The following TMC4 variants were observed in gnomAD, a reference collection of about 807,000 sequenced individuals.
TMC4 encodes the protein voltage-gated chloride channel TMC4.
TMC4 carries 70 observed loss-of-function variants against 82.0 expected under a neutral mutation model. The observed-to-expected ratio is 0.85, with a 90% confidence interval of 0.70 to 1.04. The LOEUF (loss-of-function observed/expected upper bound fraction) is 1.04, where lower values mean the gene tolerates loss of function less well. TMC4 is among the 50% of genes least tolerant of loss of function. TMC4 has a pLI of 0.00. For synonymous variants in TMC4, 446 were observed against 406.0 expected, an observed-to-expected ratio of 1.10 and a Z score of -1.18; for missense variants, 879 against 899.0, an observed-to-expected ratio of 0.98 and a Z score of 0.28.
rs1198523576 is a variant in TMC4 at position 54,163,717 on chromosome 19, C to G, written c.1277+7G>C. ...ATCATTCCCAGCCATCCCCGTGAGGCTGGAACCTGAGCAGGATAAAAACGA... is the reference window on the plus strand; with the variant it reads ...ATCATTCCCAGCCATCCCCGTGAGGGTGGAACCTGAGCAGGATAAAAACGA... On this transcript the variant is annotated splice_region_variant and intron_variant, in intron 8 of 14. Coordinates refer to ENST00000619895, the MANE Select transcript of TMC4 (RefSeq NM_144686.4). 10 of 1,613,960 alleles carry G rather than the reference C, an allele frequency of 6.2e-6. No individual in the cohort carries two copies. The highest frequency in any genetic ancestry group is 8.5e-6 in the Non-Finnish European group (10 of 1,180,028).
chr19:54,168,833 TTTTC>T lies in TMC4; in HGVS notation c.443-157_443-154del. Among the ~76,000 whole-genome samples the T allele has an allele frequency of 7.4e-5, 2 of 27,168 alleles. 1 individual carries two copies. The allele number at this position is 27,168 out of a possible 152,430, so 17.8% of individuals were successfully genotyped here. A position where few individuals can be genotyped will look rare whatever the true frequency, so the allele number is the denominator to read the frequency against. On this transcript the variant is annotated intron_variant, in intron 3 of 14. Coordinates refer to ENST00000619895, the MANE Select transcript of TMC4 (RefSeq NM_144686.4). ...TTTTCTTTTCTTTTCTTTTCTTTTC[TTTTC>T]TTTTCTTTTCTTTTCTTTTCTTTTC...
At chr19:54,161,090 G>A in intron 12 of TMC4, 40 bp downstream of exon 12, 1 of 1,605,456 alleles carries the variant, frequency 6.2e-7, no homozygotes. Context: ...ACTGAATGGG[G>A]AGAGAGGGAG....
Position 54,164,048 on chromosome 19 carries a change from C to T in TMC4, c.1114-161G>A, listed in dbSNP as rs188681610. Among the ~76,000 whole-genome samples the T allele has an allele frequency of 3.0e-3, 450 of 149,874 alleles. 2 individuals are homozygous for T. The highest frequency in any genetic ancestry group is 0.011 in the African/African-American group (434 of 40,532). On this transcript the variant is annotated intron_variant, in intron 7 of 14. Coordinates refer to ENST00000619895, the MANE Select transcript of TMC4 (RefSeq NM_144686.4). ...AGAATGCAGCGGTGCGATCTCGGCT[C>T]GCTGCAACCTCTGCCTCCCGGGTTC...
chr19:54,167,386 C>T (rs1259296153), intron 5 of TMC4, among the ~76,000 whole-genome samples: 3 of 151,668 alleles, frequency 2.0e-5, no homozygotes, highest in African/African-American at 4.8e-5. Flanking sequence ...GGCGATACCC[C>T]GTCTCTACTA....
chr19:54,165,299 G>T, intron 6 of TMC4, 120 bp downstream of exon 6: 1 of 1,175,650 alleles, frequency 8.5e-7, no homozygotes, highest in Non-Finnish European at 1.1e-6. Flanking sequence ...TGCCTTTCTT[G>T]GAGAAGGAGC....
chr19:54,169,405 C>T (rs2075827523), intron 3 of TMC4, 107 bp downstream of exon 3: 5 of 1,445,354 alleles, frequency 3.5e-6, no homozygotes, highest in Non-Finnish European at 4.6e-6. Context: ...AAAATCCAGG[C>T]CCAAGCCCCT....
At chr19:54,164,345 C>CT (rs1411505178) in intron 7 of TMC4, 89 bp downstream of exon 7, 2 of 1,466,388 alleles carry the variant, frequency 1.4e-6, no homozygotes, top group African/African-American at 2.8e-5. Flanking sequence ...TCTAAGATCT[C>CT]TGGCATCCCA....
At position 54,171,871 on chromosome 19, in the gene TMC4, T is replaced by G; in HGVS notation, c.292A>C (p.Arg98=). The G allele has an allele frequency of 6.3e-7, 1 of 1,597,874 alleles. No individual in the cohort carries two copies. Residue 98 remains arginine, a splice_region_variant and synonymous_variant, in exon 2 of 15, where the codon AGG becomes CGG. Coordinates refer to ENST00000619895, the MANE Select transcript of TMC4 (RefSeq NM_144686.4). The part of the protein sequence containing the change: ...PWPMQARRAH[R]QRNASRDQVV... Reference sequence around the variant, plus strand: ...TCCCAGCTGGAGGTGGGGCCTCACCTGTGTGCCCGTCTGGCCTGCATGGGC... The same window carrying G: ...TCCCAGCTGGAGGTGGGGCCTCACCGGTGTGCCCGTCTGGCCTGCATGGGC...
chr19:54,162,476 T>C (rs972275208), intron 10 of TMC4, among the ~76,000 whole-genome samples, 191 bp from the exon 11 acceptor site: 4 of 149,652 alleles, frequency 2.7e-5, no homozygotes, highest in Admixed American at 6.7e-5. Context: ...GGGACCCAGA[T>C]GTCGCCGCCG....
chr19:54,161,316 A>AT (rs765095573), intron 11 of TMC4, 56 bp from the exon 12 acceptor site: 65,752 of 1,089,942 alleles, frequency 0.06, 197 homozygotes, highest in Non-Finnish European at 0.064. Flanking sequence ...CTGTGCCTCC[A>AT]TTTTTTTTTT....
intron 2 of TMC4, among the ~76,000 whole-genome samples, chr19:54,170,066 A>C (rs1033845997): frequency 1.3e-5 from 2 of 152,172 alleles, no homozygotes; most frequent in Non-Finnish European, 2.9e-5. Flanking sequence ...GCGCCATTGC[A>C]TTCCAGCCTG....
Position 54,160,356 on chromosome 19 carries a change from A to C in TMC4, c.2071T>G (p.Phe691Val). ...QRETEAQNKV[F>V]LARRAVALTS... ...AGCGCCACAGCGCGCCGTGCCAGGA[A>C]GACTTTATTCTGCGCCTCCTGGGGC... The change falls in exon 15 of 15, where the codon TTC becomes GTC. Residue 691 changes from phenylalanine to valine, a missense_variant. Transcript: ENST00000619895. 1 of 1,529,796 alleles carries C rather than the reference A, an allele frequency of 6.5e-7. No homozygotes were observed. The highest frequency in any genetic ancestry group is 1.3e-5 in the South Asian group (1 of 78,872). 94.8% of individuals were successfully genotyped at this position (1,529,796 alleles called of 1,614,324 possible).
chr19:54,163,651 A>C, intron 8 of TMC4, 73 bp downstream of exon 8: 2 of 1,551,018 alleles, frequency 1.3e-6, no homozygotes, highest in Non-Finnish European at 1.8e-6. Context: ...TCCGTGTCTT[A>C]CCTGTCAGCG....
chr19:54,171,792 G>T, intron 2 of TMC4, 78 bp downstream of exon 2: 1 of 1,349,824 alleles, frequency 7.4e-7, no homozygotes, highest in Non-Finnish European at 1.0e-6. Context: ...AGAGGACAGA[G>T]GGAGGAGACC....
chr19:54,163,700 C>T (rs772048126), intron 8 of TMC4, 24 bp downstream of exon 8: 2 of 1,613,848 alleles, frequency 1.2e-6, no homozygotes, highest in Non-Finnish European at 1.7e-6. Context: ...TCATCATTCC[C>T]AGCCATCCCC....
At chr19:54,162,516 A>G (rs2075589341) in intron 10 of TMC4, among the ~76,000 whole-genome samples, 157 bp downstream of exon 10, 1 of 151,928 alleles carries the variant, frequency 6.6e-6, no homozygotes, top group Admixed American at 6.6e-5. Flanking sequence ...ACCCACTAAA[A>G]CAAGGGCGGG....
intron 2 of TMC4, among the ~76,000 whole-genome samples, chr19:54,170,621 A>C (rs1224663793): frequency 6.6e-6 from 1 of 151,806 alleles, no homozygotes; most frequent in Non-Finnish European, 1.5e-5. Context: ...GTTTTATTTT[A>C]TTTTATTTTA....
intron 8 of TMC4, 82 bp from the exon 9 acceptor site, chr19:54,163,241 T>C: frequency 6.5e-7 from 1 of 1,546,906 alleles, no homozygotes; most frequent in South Asian, 1.2e-5. Flanking sequence ...CGCGCCCGCA[T>C]TCAACCCATC....
Position 54,168,824 on chromosome 19 carries a change from TTTCTTTTCTTTTCTTTTCTTTTC to T in TMC4, c.443-167_443-145del. 2.3e-5 allele frequency: 3 copies of T among 127,820 alleles called. 1 individual carries two copies. Among genetic ancestry groups the T allele is most frequent in the Non-Finnish European group, 3.5e-5 (3 of 86,036 alleles). The allele number at this position is 127,820 out of a possible 1,614,324, so 7.9% of individuals were successfully genotyped here. A position where few individuals can be genotyped will look rare whatever the true frequency, so the allele number is the denominator to read the frequency against. ...TTTCTTTTCTTTTCTTTTCTTTTCT[TTTCTTTTCTTTTCTTTTCTTTTC>T]TTTTCTTTTCTTTTCTTTTCTTTTC... On this transcript the variant is annotated intron_variant, in intron 3 of 14. Transcript: ENST00000619895.
Sources: allele counts gnomAD v4.1 joint callset (sites outside exome capture counted in the v4.1 genomes callset), GRCh38; gene constraint gnomAD v4.1.1; transcripts MANE v1.5; gene names NCBI Gene and HGNC (gene_info 2026-07-23, HGNC 2026-07-21).